AKAP19: variants seen among roughly 807,000 people sequenced by gnomAD.
AKAP19 encodes small A-kinase anchoring protein.
chr2:190,092,219 A>C, the AKAP19 span, among the ~76,000 whole-genome samples: 7 of 152,212 alleles, frequency 4.6e-5, no homozygotes, highest in African/African-American at 1.4e-4. Flanking sequence ...CTAATTTGTC[A>C]TGTTGACTGC....
chr2:190,107,421 T>A, the AKAP19 span, among the ~76,000 whole-genome samples: 1 of 142,206 alleles, frequency 7.0e-6, no homozygotes, highest in Non-Finnish European at 1.5e-5. Flanking sequence ...GATTCCAGTA[T>A]TTTTTTTTTC....
chr2:189,913,955 C>T, the AKAP19 span, among the ~76,000 whole-genome samples: 1 of 151,950 alleles, frequency 6.6e-6, no homozygotes, highest in Non-Finnish European at 1.5e-5. Flanking sequence ...TTAGACTATG[C>T]TTTAGAATAT....
chr2:190,002,714 T>A, the AKAP19 span, among the ~76,000 whole-genome samples: 3 of 152,198 alleles, frequency 2.0e-5, no homozygotes, highest in African/African-American at 7.2e-5. Flanking sequence ...TACCTAATGT[T>A]TACTGTGATT....
chr2:190,092,568 C>T, the AKAP19 span, among the ~76,000 whole-genome samples: 5 of 152,026 alleles, frequency 3.3e-5, no homozygotes, highest in Non-Finnish European at 5.9e-5. Context: ...CTTGGACTTT[C>T]TGGGGTAGGT....
chr2:190,066,414 G>T, the AKAP19 span, among the ~76,000 whole-genome samples: 1 of 152,152 alleles, frequency 6.6e-6, no homozygotes, highest in Admixed American at 6.5e-5. Flanking sequence ...AAAGGAGGAC[G>T]ATGAGATTAG....
the AKAP19 span, among the ~76,000 whole-genome samples, chr2:190,008,287 A>G: frequency 6.6e-6 from 1 of 152,186 alleles, no homozygotes; most frequent in Non-Finnish European, 1.5e-5. Context: ...ATTTATTCCA[A>G]TTATAATCAA....
chr2:190,028,344 A>T, the AKAP19 span, among the ~76,000 whole-genome samples: 1 of 152,152 alleles, frequency 6.6e-6, no homozygotes, highest in Non-Finnish European at 1.5e-5. Flanking sequence ...ATCTTTAAGA[A>T]CTTGGTTAGT....
chr2:190,183,202 T>C, the AKAP19 span, among the ~76,000 whole-genome samples: 1 of 152,192 alleles, frequency 6.6e-6, no homozygotes, highest in East Asian at 1.9e-4. Flanking sequence ...TAAAATGAGG[T>C]AACATCTGCC....
At chr2:190,200,365 G>A in the AKAP19 span, 3 of 519,466 alleles carry the variant, frequency 5.8e-6, no homozygotes, top group Non-Finnish European at 1.1e-5. Context: ...TCATCTGAAG[G>A]GCTGAACAGA....
the AKAP19 span, among the ~76,000 whole-genome samples, chr2:190,186,028 T>G: frequency 6.6e-6 from 1 of 152,224 alleles, no homozygotes; most frequent in Non-Finnish European, 1.5e-5. This position sits in a 1 kb window ranked among gnomAD's most constrained non-coding sequence, Gnocchi z 5.5. Context: ...CTTGGCTCTC[T>G]GCAACTTCTG....
At chr2:190,003,912 A>C in the AKAP19 span, among the ~76,000 whole-genome samples, 1 of 152,164 alleles carries the variant, frequency 6.6e-6, no homozygotes, top group Non-Finnish European at 1.5e-5. Context: ...TTTTAATTCA[A>C]ATAAATTCTA....
At chr2:190,165,064 C>A in the AKAP19 span, among the ~76,000 whole-genome samples, 4 of 152,234 alleles carry the variant, frequency 2.6e-5, no homozygotes, top group East Asian at 7.7e-4. Context: ...ATAAAAGAAT[C>A]CCAGAAGCAT....
At chr2:190,069,396 A>G in the AKAP19 span, among the ~76,000 whole-genome samples, 1 of 152,230 alleles carries the variant, frequency 6.6e-6, no homozygotes, top group Admixed American at 6.5e-5. Context: ...AAAAATTTTT[A>G]AAGTTAATGT....
the AKAP19 span, among the ~76,000 whole-genome samples, chr2:189,971,894 A>G: frequency 1.3e-5 from 2 of 151,088 alleles, no homozygotes; most frequent in Non-Finnish European, 3.0e-5. Context: ...CCTTTGTCAG[A>G]TCAGTAGATT....
chr2:190,022,568 G>A, the AKAP19 span, among the ~76,000 whole-genome samples: 1 of 152,094 alleles, frequency 6.6e-6, no homozygotes, highest in South Asian at 2.1e-4. Context: ...CAGGTATTAT[G>A]GATGAATAAA....
At chr2:189,950,327 C>CT in the AKAP19 span, among the ~76,000 whole-genome samples, 28 of 108,064 alleles carry the variant, frequency 2.6e-4, no homozygotes, top group East Asian at 2.5e-3. Flanking sequence ...GGCGCCCAGC[C>CT]TTTTTTGTTT....
the AKAP19 span, among the ~76,000 whole-genome samples, chr2:190,167,899 G>C: frequency 2.6e-5 from 4 of 152,318 alleles, no homozygotes; most frequent in East Asian, 7.7e-4. Flanking sequence ...CACGGTGCTA[G>C]CTGTCAGTGG....
chr2:189,903,619 C>T, the AKAP19 span, among the ~76,000 whole-genome samples: 1 of 151,850 alleles, frequency 6.6e-6, no homozygotes, highest in Non-Finnish European at 1.5e-5. Flanking sequence ...TGATACATTG[C>T]CTGTAAAGAT....
the AKAP19 span, among the ~76,000 whole-genome samples, chr2:190,052,936 G>A: frequency 6.6e-6 from 1 of 152,054 alleles, no homozygotes; most frequent in Admixed American, 6.6e-5. Context: ...TTTGCCTATA[G>A]TGCATATATA....
Sources: allele counts gnomAD v4.1 joint callset (sites outside exome capture counted in the v4.1 genomes callset), GRCh38; gene constraint gnomAD v4.1.1; non-coding constraint Gnocchi (gnomAD v3.1); transcripts MANE v1.5; gene names NCBI Gene and HGNC (gene_info 2026-07-23, HGNC 2026-07-21).